LINC01488: variants seen among roughly 807,000 people sequenced by gnomAD.
LINC01488 encodes CCND1-upstream intergenic DNA repair 1.
chr11:69,483,764 C>G (rs955636810), intron 1 of LINC01488, among the ~76,000 whole-genome samples: 1 of 152,148 alleles, frequency 6.6e-6, no homozygotes, highest in Non-Finnish European at 1.5e-5. Flanking sequence ...CTTTTGTTTA[C>G]AGCATTTGTT....
exon 4 of LINC01488, chr11:69,492,577 C>T (rs1410959108): frequency 6.6e-6 from 1 of 152,252 alleles, no homozygotes; most frequent in Non-Finnish European, 1.5e-5. Flanking sequence ...TGGGCGGCCT[C>T]TGGAAGCCAG....
chr11:69,488,388 T>A (rs1808672909), intron 1 of LINC01488: 1 of 152,370 alleles, frequency 6.6e-6, no homozygotes, highest in African/African-American at 2.4e-5. Context: ...GGAGCCGTTT[T>A]GACGCCCAGG....
chr11:69,482,352 A>G (rs147927557), intron 1 of LINC01488, among the ~76,000 whole-genome samples: 69 of 152,200 alleles, frequency 4.5e-4, no homozygotes, highest in African/African-American at 1.6e-3. Context: ...GATTATTACA[A>G]TTTAAGGTGA....
chr11:69,493,032 A>C (rs1157447514), exon 4 of LINC01488: 1 of 152,246 alleles, frequency 6.6e-6, no homozygotes, highest in Non-Finnish European at 1.5e-5. Context: ...GGACCCAGCA[A>C]GATGTCACTC....
chr11:69,482,180 G>A (rs1037083009), intron 1 of LINC01488, among the ~76,000 whole-genome samples: 1 of 152,176 alleles, frequency 6.6e-6, no homozygotes, highest in Non-Finnish European at 1.5e-5. Context: ...AGAAGCAAAG[G>A]CACATCTTAC....
In LINC01488 at chr11:69,487,587, C is replaced by T. The variant is rs138286780; in HGVS notation, n.123-2908C>T. On this transcript the variant is annotated intron_variant and non_coding_transcript_variant, in intron 1 of 3. Coordinates refer to ENST00000644563, the Ensembl canonical transcript of LINC01488. ...GTGGTCCCCTTGGGGTCCTGTTCCCCGTCGGTCATGGCGCTGGGCCTCCCT... is the reference window on the plus strand; with the variant it reads ...GTGGTCCCCTTGGGGTCCTGTTCCCTGTCGGTCATGGCGCTGGGCCTCCCT... 4.3e-3 allele frequency among the ~76,000 whole-genome samples: 649 copies of T among 152,282 alleles called. 5 individuals carry two copies. Among genetic ancestry groups the T allele is most frequent in the Non-Finnish European group, 7.1e-3 (482 of 68,016 alleles).
At chr11:69,489,299 G>A (rs1168582903) in intron 1 of LINC01488, among the ~76,000 whole-genome samples, 1 of 152,120 alleles carries the variant, frequency 6.6e-6, no homozygotes, top group Non-Finnish European at 1.5e-5. Context: ...ACTGAAATGA[G>A]GGAGCTCAAG....
chr11:69,489,651 C>A (rs373334814), intron 1 of LINC01488, among the ~76,000 whole-genome samples: 2 of 152,254 alleles, frequency 1.3e-5, no homozygotes, highest in African/African-American at 4.8e-5. Context: ...CTCCAAGGGC[C>A]GAGAGGCGTC....
intron 3 of LINC01488, chr11:69,491,635 G>C (rs192370711): frequency 2.0e-5 from 3 of 152,788 alleles, no homozygotes; most frequent in Admixed American, 1.3e-4. Context: ...CCTGTGTTCT[G>C]TATCTTCCTC....
At chr11:69,484,409 G>A (rs1857082208) in intron 1 of LINC01488, among the ~76,000 whole-genome samples, 1 of 152,210 alleles carries the variant, frequency 6.6e-6, no homozygotes, top group African/African-American at 2.4e-5. Context: ...CCATGCACCT[G>A]CTTCTTGTCC....
At position 69,487,908 on chromosome 11, in the gene LINC01488, C is replaced by T. The variant is rs1255691672; in HGVS notation, n.123-2587C>T. 7.9e-5 allele frequency: 12 copies of T among 152,356 alleles called. No individual in the cohort carries two copies. The East Asian group carries it at 1.5e-3, about 20-fold the overall frequency. The allele number at this position is 152,356 out of a possible 1,614,324, so 9.4% of individuals were successfully genotyped here. On this transcript the variant is annotated intron_variant and non_coding_transcript_variant, in intron 1 of 3. Transcript: ENST00000644563. ...TCCCTTGTCCTCCCAGGTCCCTACA[C>T]GGGTCAAGATGGGAGCCGCCTTAGA...
chr11:69,486,103 G>GC (rs35512791), intron 1 of LINC01488: 36,217 of 152,102 alleles, frequency 0.24, 5,161 homozygotes, highest in East Asian at 0.42. Flanking sequence ...GAGTGATGCA[G>GC]CCCGGGACCT....
intron 1 of LINC01488, among the ~76,000 whole-genome samples, chr11:69,489,418 G>A (rs2134974089): frequency 6.6e-6 from 1 of 152,382 alleles, no homozygotes; most frequent in African/African-American, 2.4e-5. Flanking sequence ...GGGGGCCTGG[G>A]CAGTGCAGGC....
At chr11:69,486,392 G>A (rs947181211) in intron 1 of LINC01488, among the ~76,000 whole-genome samples, 2 of 152,202 alleles carry the variant, frequency 1.3e-5, no homozygotes, top group South Asian at 2.1e-4. Flanking sequence ...TCAGCACCAC[G>A]AGGTCCACCT....
chr11:69,490,173 T>A (rs1857196256), intron 1 of LINC01488, among the ~76,000 whole-genome samples: 1 of 152,182 alleles, frequency 6.6e-6, no homozygotes, highest in African/African-American at 2.4e-5. Context: ...AGTGAAGCTG[T>A]CCCACCATCA....
chr11:69,487,188 G>A (rs989636906), intron 1 of LINC01488, among the ~76,000 whole-genome samples: 2 of 152,220 alleles, frequency 1.3e-5, no homozygotes, highest in African/African-American at 4.8e-5. Flanking sequence ...CAAGGCTTGG[G>A]TGCGGTGCTT....
At chr11:69,486,555 C>T (rs1248389231) in intron 1 of LINC01488, among the ~76,000 whole-genome samples, 6 of 152,230 alleles carry the variant, frequency 3.9e-5, no homozygotes, top group Non-Finnish European at 7.3e-5. Flanking sequence ...AGAGAAGACA[C>T]GCAGGGCCAG....
At chr11:69,488,787 T>A (rs1857166861) in intron 1 of LINC01488, among the ~76,000 whole-genome samples, 1 of 151,964 alleles carries the variant, frequency 6.6e-6, no homozygotes, top group African/African-American at 2.4e-5. Flanking sequence ...GCCCTGGGCA[T>A]GGGGAACCGG....
At chr11:69,488,100 T>A (rs1361721973) in intron 1 of LINC01488, 1 of 152,346 alleles carries the variant, frequency 6.6e-6, no homozygotes, top group Admixed American at 6.5e-5. Flanking sequence ...GGCACAGGCC[T>A]CGAACCTCCT....
Sources: allele counts gnomAD v4.1 joint callset (sites outside exome capture counted in the v4.1 genomes callset), GRCh38; gene constraint gnomAD v4.1.1; transcripts MANE v1.5; gene names NCBI Gene and HGNC (gene_info 2026-07-23, HGNC 2026-07-21).